CACNA1D: variants seen among roughly 807,000 people sequenced by gnomAD.
The protein encoded by CACNA1D is calcium voltage-gated channel subunit alpha1 D.
CACNA1D carries 55 observed loss-of-function variants against 257.1 expected under a neutral mutation model. The ratio of observed to expected loss-of-function variants is 0.21; its 90% CI spans 0.17 to 0.27. The LOEUF (loss-of-function observed/expected upper bound fraction) is 0.27. CACNA1D is among the 10% of genes least tolerant of loss of function. The pLI, the probability that CACNA1D is intolerant of heterozygous loss-of-function variation, is 1.00. For synonymous variants in CACNA1D, 980 were observed against 1,014.9 expected (o/e 0.97, Z 0.65); for missense variants, 1,876 against 2,784.0 (o/e 0.67, Z 7.34).
chr3:53,740,594 C>T, intron 21 of CACNA1D: 1 of 431,832 alleles, frequency 2.3e-6, no homozygotes, highest in Non-Finnish European at 4.1e-6. Context: ...CGTGGTTGAG[C>T]TAAGTTTTTT....
intron 3 of CACNA1D, among the ~76,000 whole-genome samples, chr3:53,521,299 C>T (rs895153992): frequency 6.6e-6 from 1 of 152,182 alleles, no homozygotes; most frequent in African/African-American, 2.4e-5. Context: ...GCCTCAGCTT[C>T]CTAAAGCATT....
rs190290656 is a variant in CACNA1D at position 53,638,463 on chromosome 3, G to A, written c.484-12316G>A. Among the ~76,000 whole-genome samples, 13 of 152,336 alleles carry A rather than the reference G, an allele frequency of 8.5e-5. No individual in the cohort carries two copies. In the East Asian group the frequency reaches 2.3e-3, roughly 27 times the overall value. ...CCATGCTGTTCCTGGGTGGTGGCTGGTGGCTGGGGCAGGGCAGTGAGTGTT... is the reference window on the plus strand; with the variant it reads ...CCATGCTGTTCCTGGGTGGTGGCTGATGGCTGGGGCAGGGCAGTGAGTGTT... On this transcript the variant is annotated intron_variant, in intron 3 of 47. Transcript: ENST00000350061.
At chr3:53,496,422 T>A (rs2090350081) in intron 1 of CACNA1D, among the ~76,000 whole-genome samples, 1 of 152,354 alleles carries the variant, frequency 6.6e-6, no homozygotes, top group African/African-American at 2.4e-5. Flanking sequence ...GACTGCCTTG[T>A]CTGTCTCTCT....
chr3:53,715,405 C>T (rs1213094152), intron 9 of CACNA1D, among the ~76,000 whole-genome samples: 2 of 151,980 alleles, frequency 1.3e-5, no homozygotes, highest in African/African-American at 4.8e-5. Flanking sequence ...AAATACAAAC[C>T]AAGAATGATG....
At chr3:53,496,390 C>T (rs2090346958) in intron 1 of CACNA1D, among the ~76,000 whole-genome samples, 1 of 152,228 alleles carries the variant, frequency 6.6e-6, no homozygotes, top group Non-Finnish European at 1.5e-5. Context: ...GTCAGTCTAT[C>T]CTAGGTGTAG....
chr3:53,719,921 A>G (rs140215479), intron 11 of CACNA1D, 140 bp downstream of exon 11: 22 of 841,512 alleles, frequency 2.6e-5, no homozygotes, highest in South Asian at 6.7e-5. Flanking sequence ...CAGTCAGTCA[A>G]TTGAATCCTA....
intron 3 of CACNA1D, among the ~76,000 whole-genome samples, chr3:53,562,795 C>G (rs921769236): frequency 2.0e-5 from 3 of 152,184 alleles, no homozygotes; most frequent in African/African-American, 7.2e-5. Flanking sequence ...TCCAAATATA[C>G]CCGGCTGCAG....
intron 7 of CACNA1D, among the ~76,000 whole-genome samples, chr3:53,667,983 A>T (rs761563207): frequency 1.1e-4 from 16 of 152,198 alleles, no homozygotes; most frequent in Non-Finnish European, 1.9e-4. Flanking sequence ...TAGGTGAAGC[A>T]TTCATTTTTG....
At chr3:53,681,724 C>T (rs765108035) in intron 8 of CACNA1D, among the ~76,000 whole-genome samples, 5 of 152,288 alleles carry the variant, frequency 3.3e-5, no homozygotes, top group South Asian at 2.1e-4. Context: ...ATTACAAACT[C>T]GTATAAATGC....
chr3:53,612,001 T>C (rs1444338587), intron 3 of CACNA1D, among the ~76,000 whole-genome samples: 1 of 152,240 alleles, frequency 6.6e-6, no homozygotes, highest in Non-Finnish European at 1.5e-5. Context: ...TAGTCCACTG[T>C]TAATTCCATC....
intron 9 of CACNA1D, among the ~76,000 whole-genome samples, chr3:53,717,415 G>A (rs796365717): frequency 6.6e-6 from 1 of 152,112 alleles, no homozygotes; most frequent in Non-Finnish European, 1.5e-5. Flanking sequence ...GCACGTGTTC[G>A]TGATGTTTAT....
intron 28 of CACNA1D, among the ~76,000 whole-genome samples, chr3:53,753,115 C>A (rs1559626667): frequency 6.6e-6 from 1 of 152,082 alleles, no homozygotes; most frequent in Non-Finnish European, 1.5e-5. Context: ...CCTAAGAGTT[C>A]TTTTTGAATG....
At position 53,543,121 on chromosome 3, in the gene CACNA1D, A is replaced by AAAATAAAT. The variant is rs752946981; in HGVS notation, c.483+41405_483+41412dup. On this transcript the variant is annotated intron_variant, in intron 3 of 47. Coordinates refer to ENST00000350061, the MANE Select transcript of CACNA1D (RefSeq NM_001128840.3). ...AAAAAAAAAAGAACAGCAGCAGTAA[A>AAAATAAAT]AAATAAATAAAGAAAGAAATAAATA... Among the ~76,000 whole-genome samples the AAAATAAAT allele has an allele frequency of 3.5e-3, 516 of 149,394 alleles. 4 individuals are homozygous for AAAATAAAT. The highest frequency in any genetic ancestry group is 0.011 in the African/African-American group (451 of 39,814).
chr3:53,778,821 G>C (rs1412943767), intron 37 of CACNA1D, among the ~76,000 whole-genome samples: 1 of 152,188 alleles, frequency 6.6e-6, no homozygotes, highest in Non-Finnish European at 1.5e-5. Flanking sequence ...CCAAAGCCTG[G>C]GAGAAGCCAC....
intron 5 of CACNA1D, among the ~76,000 whole-genome samples, chr3:53,660,577 T>A (rs1388342383): frequency 6.6e-6 from 1 of 152,194 alleles, no homozygotes; most frequent in Non-Finnish European, 1.5e-5. Context: ...CCAGTCTATT[T>A]TTCCTCTCTG....
At chr3:53,740,857 A>G (rs1224443004) in intron 21 of CACNA1D, among the ~76,000 whole-genome samples, 1 of 152,146 alleles carries the variant, frequency 6.6e-6, no homozygotes, top group African/African-American at 2.4e-5. Flanking sequence ...TATGAAGAGG[A>G]TGTCTCTCTT....
At chr3:53,555,209 T>C (rs1392843983) in intron 3 of CACNA1D, among the ~76,000 whole-genome samples, 1 of 152,248 alleles carries the variant, frequency 6.6e-6, no homozygotes, top group African/African-American at 2.4e-5. Context: ...ACATTTAGTG[T>C]CACGGGCTTG....
At chr3:53,722,560 CATG>C (rs986133057) in intron 12 of CACNA1D, 86 bp downstream of exon 12, 137 of 1,315,978 alleles carry the variant, frequency 1.0e-4, no homozygotes, top group Non-Finnish European at 1.4e-4. Context: ...CTGATCGCTG[CATG>C]ATGAAGTATC....
chr3:53,662,457 G>A (rs113350193), intron 5 of CACNA1D, among the ~76,000 whole-genome samples: 7 of 152,176 alleles, frequency 4.6e-5, no homozygotes, highest in African/African-American at 9.6e-5. Flanking sequence ...CTGTCCTTCC[G>A]TGTTGGACAG....
Sources: gnomAD v4.1 joint callset for allele counts (sites outside exome capture counted in the v4.1 genomes callset) on GRCh38, gnomAD v4.1.1 for gene constraint, MANE v1.5 for transcripts, NCBI Gene and HGNC (gene_info 2026-07-23, HGNC 2026-07-21) for gene names.